Variants in OSBPL5 observed in about 807,000 individuals in gnomAD.
OSBPL5 encodes the protein oxysterol-binding protein-related protein 5.
In OSBPL5, 71 loss-of-function variants were observed where a neutral mutation model predicts 111.2. The ratio of observed to expected loss-of-function variants is 0.64; its 90% CI spans 0.53 to 0.78. OSBPL5 has a LOEUF of 0.78. Among genes scored for constraint, OSBPL5 ranks in the 30% least tolerant of loss-of-function variants. The pLI is 0.00. For synonymous variants in OSBPL5, 549 were observed against 513.9 expected, an observed-to-expected ratio of 1.07 and a Z score of -0.93; for missense variants, 1,210 against 1,189.3, an observed-to-expected ratio of 1.02 and a Z score of -0.26.
chr11:3,109,873 T>C lies in OSBPL5; in HGVS notation c.692-1928A>G, dbSNP rs536623465. Among the ~76,000 whole-genome samples the C allele has an allele frequency of 1.4e-3, 212 of 152,274 alleles. 2 individuals carry two copies. The highest frequency in any genetic ancestry group is 4.8e-3 in the African/African-American group (199 of 41,538). On this transcript the variant is annotated intron_variant, in intron 7 of 21. Transcript: ENST00000263650. This position sits in a 1 kb window ranked among gnomAD's most constrained non-coding sequence, Gnocchi z 7.4. Reference sequence around the variant, plus strand: ...AGCTCATTCCGAGACCTCTTCCTCCTCTTCCTGGAAGCCCACCCTGATACC... The same window carrying C: ...AGCTCATTCCGAGACCTCTTCCTCCCCTTCCTGGAAGCCCACCCTGATACC...
intron 21 of OSBPL5, 147 bp from the exon 22 acceptor site, chr11:3,088,490 C>A (rs546242198): frequency 2.1e-6 from 2 of 954,940 alleles, no homozygotes; most frequent in Middle Eastern, 3.5e-4. Context: ...GGCAACAGAG[C>A]GGGTGGGGGT....
chr11:3,121,093 GT>G lies in OSBPL5; in HGVS notation c.403-470del, dbSNP rs1263717083. ...TTTTTTTTTTTGAGACAGAGTCTCT[GT>G]TGCCCAGGCTGGAGGTGCAGTGGTG... On this transcript the variant is annotated intron_variant, in intron 5 of 21. Coordinates refer to ENST00000263650, the MANE Select transcript of OSBPL5 (RefSeq NM_020896.4). The surrounding 1 kb of genome is among the most constrained non-coding windows in gnomAD (Gnocchi z 4.3). 2.9e-5 allele frequency among the ~76,000 whole-genome samples: 4 copies of G among 137,634 alleles called. No individual in the cohort carries two copies. The highest frequency in any genetic ancestry group is 1.1e-4 in the African/African-American group (4 of 36,158). The allele number at this position is 137,634 out of a possible 152,430, so 90.3% of individuals were successfully genotyped here.
rs548289219 is a variant in OSBPL5 at position 3,146,845 on chromosome 11, C to A, written c.-21-17676G>T. Among the ~76,000 whole-genome samples the A allele has an allele frequency of 1.3e-5, 2 of 152,310 alleles. No individual in the cohort carries two copies. The highest frequency in any genetic ancestry group is 3.9e-4 in the East Asian group (2 of 5,182). On this transcript the variant is annotated intron_variant, in intron 1 of 21. Transcript: ENST00000263650. This position sits in a 1 kb window ranked among gnomAD's most constrained non-coding sequence, Gnocchi z 7.8. ...GGCAGCCAGATCCCCTTCGCCGTGGCTGGAGCTGGCGTTTCTATTTATGAT... is the reference window on the plus strand; with the variant it reads ...GGCAGCCAGATCCCCTTCGCCGTGGATGGAGCTGGCGTTTCTATTTATGAT...
Position 3,154,654 on chromosome 11 carries a change from C to A in OSBPL5, c.-22+10562G>T, listed in dbSNP as rs1846696873. On this transcript the variant is annotated intron_variant, in intron 1 of 21. Transcript: ENST00000263650. The surrounding 1 kb of genome is among the most constrained non-coding windows in gnomAD (Gnocchi z 4.9). ...CAGAACCCACTGACGAGACGCCTGG[C>A]AGTGCGGGGGCCCCAGGGTTAGTCT... Among the ~76,000 whole-genome samples, 1 of 152,134 alleles carries A rather than the reference C, an allele frequency of 6.6e-6. No homozygotes were observed.
At position 3,140,493 on chromosome 11, in the gene OSBPL5, CT is replaced by C. The variant is rs1232276536; in HGVS notation, c.-21-11325del. Among the ~76,000 whole-genome samples, 1 of 152,154 alleles carries C rather than the reference CT, an allele frequency of 6.6e-6. No individual in the cohort carries two copies. The highest frequency in any genetic ancestry group is 1.5e-5 in the Non-Finnish European group (1 of 68,012). ...CCCAGTCTGAGGGGGAACACAAGGC[CT>C]TGACCTGGTAGCCCACTTTCAACAC... On this transcript the variant is annotated intron_variant, in intron 1 of 21. Transcript: ENST00000263650. The surrounding 1 kb of genome is among the most constrained non-coding windows in gnomAD (Gnocchi z 4.5).
At chr11:3,119,772 C>T (rs1418710652) in intron 6 of OSBPL5, 141 bp from the exon 7 acceptor site, 2 of 695,118 alleles carry the variant, frequency 2.9e-6, no homozygotes, top group Non-Finnish European at 4.6e-6. Flanking sequence ...TGGGGCCAGG[C>T]ACCTGGCCAG....
chr11:3,098,087 AAAAC>A (rs577412265), intron 14 of OSBPL5, among the ~76,000 whole-genome samples: 40 of 152,302 alleles, frequency 2.6e-4, no homozygotes, highest in Non-Finnish European at 4.6e-4. Context: ...AACAAAAATA[AAAAC>A]AAACAAACAA....
At chr11:3,103,813 T>TGCCTCTGCAGCCCCCTTCCA (rs1857577314) in intron 10 of OSBPL5, among the ~76,000 whole-genome samples, 1 of 108,298 alleles carries the variant, frequency 9.2e-6, no homozygotes, top group African/African-American at 3.8e-5. Context: ...GCCCTCTTCC[T>TGCCTCTGCAGCCCCCTTCCA]GCCTGCGCAG....
Position 3,115,562 on chromosome 11 carries a change from T to C in OSBPL5, c.691+3985A>G, listed in dbSNP as rs1260446416. Among the ~76,000 whole-genome samples, 6 of 152,172 alleles carry C rather than the reference T, an allele frequency of 3.9e-5. No homozygotes were observed. In the South Asian group the frequency reaches 1.0e-3, roughly 26 times the overall value. ...GAGACTATCCCAGAAGAGATAGACA[T>C]GTGAGATTGTAAGGGCTGACTTTGA... On this transcript the variant is annotated intron_variant, in intron 7 of 21. Coordinates refer to ENST00000263650, the MANE Select transcript of OSBPL5 (RefSeq NM_020896.4).
chr11:3,126,565 A>G lies in OSBPL5; in HGVS notation c.137-10T>C. On this transcript the variant is annotated splice_polypyrimidine_tract_variant and intron_variant, in intron 2 of 21. Transcript: ENST00000263650. This position sits in a 1 kb window ranked among gnomAD's most constrained non-coding sequence, Gnocchi z 6.5. The stretch of plus-strand genomic sequence containing the variant: ...GGCTCCATGTCCTTCCCTGCAAGAG[A>G]GCAGTGGGAGTGAGGACCCAGGCAT... 6.2e-7 allele frequency: 1 copy of G among 1,603,962 alleles called. No homozygotes were observed. The highest frequency in any genetic ancestry group is 8.5e-7 in the Non-Finnish European group (1 of 1,176,656).
intron 1 of OSBPL5, among the ~76,000 whole-genome samples, chr11:3,138,218 C>T (rs1398555644): frequency 5.3e-5 from 8 of 152,206 alleles, no homozygotes; most frequent in Admixed American, 2.0e-4. Context: ...CTTGGTACCC[C>T]GACCCCACAC....
At chr11:3,090,508 G>C (rs766169999) in intron 20 of OSBPL5, 50 bp downstream of exon 20, 6 of 1,589,516 alleles carry the variant, frequency 3.8e-6, no homozygotes, top group Non-Finnish European at 5.2e-6. Flanking sequence ...GTCAGCATCT[G>C]AGGCACCCCA....
intron 4 of OSBPL5, 82 bp downstream of exon 4, chr11:3,122,266 G>A: frequency 2.0e-6 from 3 of 1,473,416 alleles, no homozygotes; most frequent in African/African-American, 1.4e-5. Flanking sequence ...CCTTTTGACA[G>A]GTGGGGAGGG....
At position 3,122,042 on chromosome 11, in the gene OSBPL5, G is replaced by A. The variant is rs775651276; in HGVS notation, c.357C>T (p.Ser119=). ...EKKRATRQLL[S]ALTDPSVVIM... ...TGACCACGCTGGGGTCTGTCAGAGC[G>A]CTGAGCAGCTGCCGTGTGGCGCGCT... is the stretch of plus-strand genomic sequence containing the variant. The change falls in exon 5 of 22, where the codon AGC becomes AGT. Residue 119 remains serine, a synonymous_variant. Transcript: ENST00000263650. The A allele has an allele frequency of 1.2e-5, 19 of 1,582,516 alleles. No individual in the cohort carries two copies. Among genetic ancestry groups the A allele is most frequent in the African/African-American group, 5.4e-5 (4 of 74,618 alleles).
intron 1 of OSBPL5, among the ~76,000 whole-genome samples, chr11:3,134,298 G>A (rs529905023): frequency 3.3e-5 from 5 of 152,216 alleles, no homozygotes; most frequent in African/African-American, 4.8e-5. Context: ...GTAGCCATCC[G>A]CTGGCCACCC....
intron 14 of OSBPL5, among the ~76,000 whole-genome samples, chr11:3,099,900 C>G (rs1213332960): frequency 6.6e-6 from 1 of 151,780 alleles, no homozygotes; most frequent in African/African-American, 2.4e-5. Context: ...GAAACCCTGT[C>G]TCTACTAAAA....
At chr11:3,097,530 AAAAC>A (rs992917985) in intron 14 of OSBPL5, among the ~76,000 whole-genome samples, 1 of 152,200 alleles carries the variant, frequency 6.6e-6, no homozygotes, top group African/African-American at 2.4e-5. Context: ...CAACAAAACG[AAAAC>A]AAACAAACAC....
In OSBPL5 at chr11:3,107,852, C is replaced by T; in HGVS notation, c.785G>A (p.Gly262Glu). Reference sequence around the variant, plus strand: ...TGAGGGTGATGCGTCTGGCGAGGTCCCTGGCTCCCCGTCTCGGCCCGGCTT... The same window carrying T: ...TGAGGGTGATGCGTCTGGCGAGGTCTCTGGCTCCCCGTCTCGGCCCGGCTT... ...TCKPGRDGEP[G>E]TSPDASPSSL... The change falls in exon 8 of 22, where the codon GGG (glycine) becomes GAG (glutamate). Residue 262 changes from glycine (G) to glutamate (E), a missense_variant. Physicochemically the swap from Gly to Glu is moderately conservative, Grantham distance 98. Transcript: ENST00000263650. The surrounding 1 kb of genome is among the most constrained non-coding windows in gnomAD (Gnocchi z 6.1). The T allele has an allele frequency of 1.2e-6, 2 of 1,610,960 alleles. No individual in the cohort carries two copies. Among genetic ancestry groups the T allele is most frequent in the Non-Finnish European group, 1.7e-6 (2 of 1,179,950 alleles).
intron 1 of OSBPL5, among the ~76,000 whole-genome samples, chr11:3,136,030 C>T (rs1398532051): frequency 4.6e-5 from 7 of 152,214 alleles, no homozygotes; most frequent in Non-Finnish European, 4.4e-5. Context: ...ACAAGAGGTC[C>T]CATGTGGTGC....
Sources: gnomAD v4.1 joint callset for allele counts (sites outside exome capture counted in the v4.1 genomes callset) on GRCh38, gnomAD v4.1.1 for gene constraint, Gnocchi (gnomAD v3.1) non-coding constraint, MANE v1.5 for transcripts, NCBI Gene and HGNC (gene_info 2026-07-23, HGNC 2026-07-21) for gene names.